NKAIN3: variants seen among roughly 807,000 people sequenced by gnomAD.
NKAIN3 encodes sodium/potassium transporting ATPase interacting 3, also known as sodium/potassium-transporting ATPase subunit beta-1-interacting protein 3.
NKAIN3 carries 25 observed loss-of-function variants against 30.2 expected under a neutral mutation model. The ratio of observed to expected loss-of-function variants is 0.83; its 90% CI spans 0.60 to 1.16. NKAIN3 has a LOEUF of 1.16. Among genes scored for constraint, NKAIN3 ranks in the 50% most tolerant of loss-of-function variants. The pLI, the probability that NKAIN3 is intolerant of heterozygous loss-of-function variation, is 0.00. For synonymous variants in NKAIN3, 91 were observed against 89.6 expected (o/e 1.02, Z -0.09); for missense variants, 225 against 254.1 (o/e 0.89, Z 0.78).
At chr8:62,423,576 T>C (rs16928899) in intron 1 of NKAIN3, among the ~76,000 whole-genome samples, 13,262 of 151,906 alleles carry the variant, frequency 0.087, 733 homozygotes, top group African/African-American at 0.14. Context: ...TCTTATTTTT[T>C]TACAGCTTTA....
chr8:62,751,474 T>A (rs1044412007), intron 4 of NKAIN3, among the ~76,000 whole-genome samples: 2 of 152,186 alleles, frequency 1.3e-5, no homozygotes, highest in African/African-American at 4.8e-5. Flanking sequence ...CCAAAGTGCC[T>A]TTATGCAAGT....
Position 62,903,088 on chromosome 8 carries a change from G to C in NKAIN3, c.472-15365G>C, listed in dbSNP as rs567147803. ...TCATTTTGAAACTGTCTCCACAAGTGCTTCCCATACACATAAGGGCAGTAA... is the reference window on the plus strand; with the variant it reads ...TCATTTTGAAACTGTCTCCACAAGTCCTTCCCATACACATAAGGGCAGTAA... On this transcript the variant is annotated intron_variant, in intron 4 of 6. Coordinates refer to ENST00000623646, the MANE Select transcript of NKAIN3 (RefSeq NM_001304533.3). Among the ~76,000 whole-genome samples, 147 of 152,306 alleles carry C rather than the reference G, an allele frequency of 9.7e-4. 1 individual carries two copies. The highest frequency in any genetic ancestry group is 6.8e-3 in the Middle Eastern group (2 of 294).
At chr8:62,841,335 AT>A (rs1819525498) in intron 4 of NKAIN3, among the ~76,000 whole-genome samples, 3 of 151,960 alleles carry the variant, frequency 2.0e-5, no homozygotes, top group Admixed American at 2.0e-4. Context: ...CATCTTTGAA[AT>A]TTACTCTCTT....
intron 4 of NKAIN3, among the ~76,000 whole-genome samples, chr8:62,872,525 T>A (rs1038096075): frequency 2.0e-5 from 3 of 152,246 alleles, no homozygotes; most frequent in Non-Finnish European, 4.4e-5. Flanking sequence ...GGACTCTCAC[T>A]GTTCATGTCC....
At chr8:62,698,761 G>A (rs752424063) in intron 3 of NKAIN3, among the ~76,000 whole-genome samples, 1 of 152,108 alleles carries the variant, frequency 6.6e-6, no homozygotes, top group East Asian at 1.9e-4. Flanking sequence ...AAATTTGGGA[G>A]AGTATGTTAT....
intron 1 of NKAIN3, among the ~76,000 whole-genome samples, chr8:62,330,225 TG>T (rs35006928): frequency 1.3e-5 from 2 of 151,062 alleles, no homozygotes; most frequent in African/African-American, 2.4e-5. Context: ...ATAATGAGGA[TG>T]GGGGGGTGAG....
chr8:62,413,186 C>T (rs1205709083), intron 1 of NKAIN3, among the ~76,000 whole-genome samples: 1 of 152,146 alleles, frequency 6.6e-6, no homozygotes, highest in Non-Finnish European at 1.5e-5. Flanking sequence ...CACTTATACA[C>T]TGCTGGTGGG....
chr8:62,276,492 C>T (rs983707181), intron 1 of NKAIN3, among the ~76,000 whole-genome samples: 1 of 152,172 alleles, frequency 6.6e-6, no homozygotes, highest in African/African-American at 2.4e-5. Flanking sequence ...TATTGTGCTG[C>T]TGATGATCTC....
chr8:62,663,224 T>C (rs1348720267), intron 3 of NKAIN3, among the ~76,000 whole-genome samples: 1 of 152,192 alleles, frequency 6.6e-6, no homozygotes, highest in Non-Finnish European at 1.5e-5. Flanking sequence ...GAGTTTAGGC[T>C]TTCTTTAAAC....
At chr8:62,915,237 C>T (rs1822055814) in intron 4 of NKAIN3, among the ~76,000 whole-genome samples, 1 of 152,272 alleles carries the variant, frequency 6.6e-6, no homozygotes, top group South Asian at 2.1e-4. Context: ...AATCATTGCA[C>T]ATGGCAAACG....
At chr8:62,751,840 GTA>G (rs1491107127) in intron 4 of NKAIN3, among the ~76,000 whole-genome samples, 4 of 149,514 alleles carry the variant, frequency 2.7e-5, no homozygotes, top group African/African-American at 1.0e-4. Flanking sequence ...GTGTGTGTGT[GTA>G]TGTGTTACTG....
intron 1 of NKAIN3, among the ~76,000 whole-genome samples, chr8:62,402,639 G>T (rs903945129): frequency 7.2e-5 from 11 of 152,178 alleles, no homozygotes; most frequent in Non-Finnish European, 1.2e-4. Flanking sequence ...TGTGAAGAAG[G>T]ATTTGTTTGC....
At chr8:62,462,679 A>G (rs780517329) in intron 1 of NKAIN3, among the ~76,000 whole-genome samples, 5 of 152,156 alleles carry the variant, frequency 3.3e-5, no homozygotes, top group Non-Finnish European at 5.9e-5. Flanking sequence ...GGAGACATAT[A>G]TATATTTACC....
intron 1 of NKAIN3, among the ~76,000 whole-genome samples, chr8:62,472,707 G>T (rs1204119708): frequency 6.6e-6 from 1 of 152,198 alleles, no homozygotes. Context: ...TGACTGAAAA[G>T]AGTTGCAAAT....
chr8:62,707,243 C>A (rs554846159), intron 3 of NKAIN3, among the ~76,000 whole-genome samples: 1 of 152,164 alleles, frequency 6.6e-6, no homozygotes, highest in South Asian at 2.1e-4. Context: ...TGTACATACC[C>A]AGTAGTGGGA....
At chr8:62,361,885 A>G (rs2129592552) in intron 1 of NKAIN3, among the ~76,000 whole-genome samples, 1 of 152,286 alleles carries the variant, frequency 6.6e-6, no homozygotes, top group African/African-American at 2.4e-5. Flanking sequence ...ATAATGCTCA[A>G]TGCATTCCCC....
chr8:62,405,989 T>A (rs1372773938), intron 1 of NKAIN3, among the ~76,000 whole-genome samples: 1 of 152,216 alleles, frequency 6.6e-6, no homozygotes, highest in African/African-American at 2.4e-5. Flanking sequence ...TTATTTGAAA[T>A]TTATGAGTCT....
chr8:62,583,209 G>A (rs1206512308), intron 2 of NKAIN3, among the ~76,000 whole-genome samples: 2 of 152,116 alleles, frequency 1.3e-5, no homozygotes, highest in African/African-American at 4.8e-5. Context: ...CTAGTTCACA[G>A]AGTCCACCCA....
intron 3 of NKAIN3, among the ~76,000 whole-genome samples, chr8:62,727,921 G>A (rs779914390): frequency 3.9e-5 from 6 of 152,098 alleles, no homozygotes; most frequent in Non-Finnish European, 5.9e-5. Flanking sequence ...GTAAGTGTAC[G>A]GTTGGATGAG....
Sources: gnomAD v4.1 joint callset for allele counts (sites outside exome capture counted in the v4.1 genomes callset) on GRCh38, gnomAD v4.1.1 for gene constraint, MANE v1.5 for transcripts, NCBI Gene and HGNC (gene_info 2026-07-23, HGNC 2026-07-21) for gene names.